The following KCNH2 variants were observed in gnomAD, a reference collection of about 807,000 sequenced individuals.
KCNH2 encodes the protein voltage-gated inwardly rectifying potassium channel KCNH2.
KCNH2 carries 35 observed loss-of-function variants against 95.9 expected under a neutral mutation model. That is an observed-to-expected ratio of 0.37 (90% CI 0.28 to 0.48). KCNH2 has a LOEUF of 0.48. KCNH2 is among the 20% of genes least tolerant of loss of function. KCNH2 has a pLI of 0.99. For synonymous variants in KCNH2, 786 were observed against 754.7 expected (o/e 1.04, Z -0.68); for missense variants, 1,274 against 1,702.9 (o/e 0.75, Z 4.43).
intron 2 of KCNH2, among the ~76,000 whole-genome samples, chr7:150,965,751 G>A (rs377501746): frequency 1.1e-4 from 16 of 152,350 alleles, no homozygotes; most frequent in East Asian, 9.7e-4. Context: ...CCGTCCATCC[G>A]AGTCAGAGCC....
chr7:150,948,611 T>C (rs1359740245), intron 10 of KCNH2, 68 bp from the exon 11 acceptor site: 15 of 1,411,276 alleles, frequency 1.1e-5, no homozygotes, highest in Non-Finnish European at 1.4e-5. Context: ...GGCCCCAAGC[T>C]CCCTCCTTAA....
chr7:150,947,791 C>T lies in KCNH2; in HGVS notation c.2780G>A (p.Trp927Ter), dbSNP rs794728399. The T allele has an allele frequency of 6.5e-7, 1 of 1,534,424 alleles. No homozygotes were observed. Among genetic ancestry groups the T allele is most frequent in the Non-Finnish European group, 8.7e-7 (1 of 1,144,704 alleles). ...GGGGCCACTGGACGGGCTCTCCCCCCACGGCCCCCCCGGCCGGCCCCGGCT... is the reference window on the plus strand; with the variant it reads ...GGGGCCACTGGACGGGCTCTCCCCCTACGGCCCCCCCGGCCGGCCCCGGCT... Reference protein sequence around the residue: ...PSSRGRPGGPWGESPSSGPSS... With the variant: ...PSSRGRPGGP The change falls in exon 12 of 15, where the codon TGG becomes TAG. Residue 927 changes from tryptophan to a stop codon, truncating the protein, a stop_gained. Coordinates refer to ENST00000262186, the MANE Select transcript of KCNH2 (RefSeq NM_000238.4). LOFTEE classifies it high-confidence loss of function.
rs765966232 is a variant in KCNH2 at position 150,955,537 on chromosome 7, G to A, written c.1128+1754C>T. The stretch of plus-strand genomic sequence containing the variant: ...TGGCTCCCTGCAGCCTGCCTGCCCT[G>A]GGGCCTGAGGGCCCGGCCACTGCCT... On this transcript the variant is annotated intron_variant, in intron 5 of 14. Transcript: ENST00000262186. 3.3e-6 allele frequency: 5 copies of A among 1,526,238 alleles called. No homozygotes were observed. The Admixed American group carries it at 1.0e-4, about 31-fold the overall frequency. 94.5% of individuals were successfully genotyped at this position (1,526,238 alleles called of 1,614,324 possible).
intron 2 of KCNH2, among the ~76,000 whole-genome samples, chr7:150,969,488 C>A (rs1210286245): frequency 2.6e-5 from 4 of 152,062 alleles, no homozygotes; most frequent in Non-Finnish European, 5.9e-5. Context: ...CCCCCAGATG[C>A]TCCTGTGCCC....
chr7:150,976,760 G>T (rs1007854846), intron 1 of KCNH2, among the ~76,000 whole-genome samples: 26 of 107,186 alleles, frequency 2.4e-4, no homozygotes, highest in Non-Finnish European at 3.7e-4. Flanking sequence ...CAGCCTCCTC[G>T]TAGGCCCGCC....
chr7:150,975,215 G>A (rs1454059289), intron 1 of KCNH2, among the ~76,000 whole-genome samples: 2 of 152,044 alleles, frequency 1.3e-5, no homozygotes, highest in African/African-American at 2.4e-5. Context: ...GCAGCCCGCC[G>A]CCTCCTCCAT....
rs2116966295 is a variant in KCNH2 at position 150,952,050 on chromosome 7, A to T, written c.1558-215T>A. On this transcript the variant is annotated intron_variant, in intron 6 of 14. Coordinates refer to ENST00000262186, the MANE Select transcript of KCNH2 (RefSeq NM_000238.4). This position sits in a 1 kb window ranked among gnomAD's most constrained non-coding sequence, Gnocchi z 7.3. ...GACAGAGGCAGCCCCCATAGTGTGG[A>T]TGAGGAAACAGGGGCACTGACAGGT... Among the ~76,000 whole-genome samples, 1 of 152,266 alleles carries T rather than the reference A, an allele frequency of 6.6e-6. No individual in the cohort carries two copies. Among genetic ancestry groups the T allele is most frequent in the East Asian group, 1.9e-4 (1 of 5,176 alleles).
At chr7:150,970,983 AG>A (rs1172593174) in intron 2 of KCNH2, among the ~76,000 whole-genome samples, 2 of 152,164 alleles carry the variant, frequency 1.3e-5, no homozygotes, top group Non-Finnish European at 2.9e-5. Context: ...GCTCAGACCC[AG>A]GGGGCTGAAA....
At chr7:150,948,102 G>A (rs1369472134) in intron 11 of KCNH2, among the ~76,000 whole-genome samples, 2 of 152,254 alleles carry the variant, frequency 1.3e-5, no homozygotes, top group Non-Finnish European at 2.9e-5. Flanking sequence ...AGGGGTTGGC[G>A]GATCTCTGGG....
chr7:150,952,307 T>C lies in KCNH2; in HGVS notation c.1557+118A>G, dbSNP rs1801203117. On this transcript the variant is annotated intron_variant, in intron 6 of 14. Coordinates refer to ENST00000262186, the MANE Select transcript of KCNH2 (RefSeq NM_000238.4). The surrounding 1 kb of genome is among the most constrained non-coding windows in gnomAD (Gnocchi z 7.3). ...ATGTCTCTCTCCCACTGTCTTTCTCTCTTTCTCTCTCTCTCTCTTTTTCTC... is the reference window on the plus strand; with the variant it reads ...ATGTCTCTCTCCCACTGTCTTTCTCCCTTTCTCTCTCTCTCTCTTTTTCTC... 1.8e-6 allele frequency: 2 copies of C among 1,142,446 alleles called. No individual in the cohort carries two copies. Among genetic ancestry groups the C allele is most frequent in the Non-Finnish European group, 2.5e-6 (2 of 787,332 alleles). The allele number at this position is 1,142,446 out of a possible 1,614,324, so 70.8% of individuals were successfully genotyped here.
chr7:150,954,847 C>T (rs73470568), intron 5 of KCNH2, among the ~76,000 whole-genome samples: 1,525 of 152,332 alleles, frequency 0.01, 27 homozygotes, highest in African/African-American at 0.034. Flanking sequence ...GCCACCACAC[C>T]TCGGCTGCCC....
intron 13 of KCNH2, 73 bp from the exon 14 acceptor site, chr7:150,947,127 G>C (rs1177664236): frequency 4.4e-6 from 3 of 677,848 alleles, no homozygotes; most frequent in Non-Finnish European, 7.0e-6. Flanking sequence ...GTGGGGAAGG[G>C]GAAGGGGAGG....
At chr7:150,963,777 CAATGG>C (rs1801630895) in intron 2 of KCNH2, among the ~76,000 whole-genome samples, 2 of 152,310 alleles carry the variant, frequency 1.3e-5, no homozygotes, top group East Asian at 3.9e-4. Flanking sequence ...CCTTTGGGCC[CAATGG>C]CCTGGGTGAG....
At chr7:150,949,791 A>T in intron 9 of KCNH2, 1 of 1,214,708 alleles carries the variant, frequency 8.2e-7, no homozygotes, top group Non-Finnish European at 1.1e-6. Context: ...TCAAGGGGCC[A>T]GGCATGAGGC....
chr7:150,968,164 C>T (rs543192067), intron 2 of KCNH2, among the ~76,000 whole-genome samples: 2 of 152,196 alleles, frequency 1.3e-5, no homozygotes, highest in Non-Finnish European at 2.9e-5. Flanking sequence ...ATGGGAATCT[C>T]GAGCTCTGAG....
At chr7:150,964,725 G>A (rs555226479) in intron 2 of KCNH2, among the ~76,000 whole-genome samples, 7 of 152,348 alleles carry the variant, frequency 4.6e-5, no homozygotes, top group African/African-American at 1.4e-4. Flanking sequence ...AGGAGGAGCT[G>A]TGCCCAGGAC....
In KCNH2 at chr7:150,958,059, C is replaced by A. The variant is rs199472884; in HGVS notation, c.916G>T (p.Gly306Trp). The A allele has an allele frequency of 5.6e-6, 7 of 1,260,394 alleles. No individual in the cohort carries two copies. Among genetic ancestry groups the A allele is most frequent in the Non-Finnish European group, 7.0e-6 (7 of 1,006,600 alleles). 78.1% of individuals were successfully genotyped at this position (1,260,394 alleles called of 1,614,324 possible). A position where few individuals can be genotyped will look rare whatever the true frequency, so the allele number is the denominator to read the frequency against. ...LPPPPRHASTGAMHPLRSGLL... is the reference protein window; with the variant it reads ...LPPPPRHASTWAMHPLRSGLL... ...GGAACGGGTCCCGCGGCGCCCTCACCGGTGCTGGCGTGGCGCGGTGGCGGG... is the reference window on the plus strand; with the variant it reads ...GGAACGGGTCCCGCGGCGCCCTCACAGGTGCTGGCGTGGCGCGGTGGCGGG... The change falls in exon 4 of 15, where the codon GGG becomes TGG. Residue 306 changes from glycine to tryptophan, a missense_variant and splice_region_variant. Physicochemically the swap from Gly to Trp is radical, Grantham distance 184 (BLOSUM62 -2). Transcript: ENST00000262186.
chr7:150,947,133 G>T, intron 13 of KCNH2, 79 bp from the exon 14 acceptor site: 1 of 708,740 alleles, frequency 1.4e-6, no homozygotes, highest in East Asian at 3.8e-5. Flanking sequence ...AAGGGGAAGG[G>T]GAGGGGGGAG....
intron 2 of KCNH2, among the ~76,000 whole-genome samples, chr7:150,974,371 T>C (rs1400266981): frequency 6.6e-6 from 1 of 152,188 alleles, no homozygotes; most frequent in African/African-American, 2.4e-5. Flanking sequence ...CGCACGTACC[T>C]GCCATCCCAG....
Sources: allele counts gnomAD v4.1 joint callset (sites outside exome capture counted in the v4.1 genomes callset), GRCh38; gene constraint gnomAD v4.1.1; non-coding constraint Gnocchi (gnomAD v3.1); transcripts MANE v1.5; gene names NCBI Gene and HGNC (gene_info 2026-07-23, HGNC 2026-07-21).